Variants in NOL8 observed in about 807,000 individuals in gnomAD.
NOL8 encodes nucleolar protein Nop132.
In NOL8, 93 loss-of-function variants were observed where a neutral mutation model predicts 116.1. The observed-to-expected ratio is 0.80, with a 90% CI of 0.68 to 0.95. NOL8 has a LOEUF of 0.95. NOL8 is among the 40% of genes least tolerant of loss of function. The probability of loss-of-function intolerance (pLI) is 0.00; values close to 1 mark genes in which losing one functional copy is unlikely to be tolerated. For missense variants in NOL8, 1,291 were observed against 1,382.8 expected (o/e 0.93, Z 1.05); for synonymous variants, 419 against 469.0 (o/e 0.89, Z 1.38).
At chr9:92,308,614 A>G (rs1001756901) in intron 10 of NOL8, among the ~76,000 whole-genome samples, 32 of 152,242 alleles carry the variant, frequency 2.1e-4, no homozygotes, top group African/African-American at 7.0e-4. Context: ...GGCTAAAGCT[A>G]TAGGGACTTA....
rs754702663 is a variant in NOL8, at chr9:92,298,312, A to G, written c.3398T>C (p.Val1133Ala). 6.2e-7 allele frequency: 1 copy of G among 1,608,014 alleles called. No homozygotes were observed. Among genetic ancestry groups the G allele is most frequent in the Non-Finnish European group, 8.5e-7 (1 of 1,177,208 alleles). ...LQGSDLFWRG[V>A]GSNMSRNSWE... ...AGAGTTCCTGCTCATATTACTTCCT[A>G]CTCCTCTCCAGAATAAGTCAGAACC... is the stretch of plus-strand genomic sequence containing the variant. The change falls in exon 16 of 17, where the codon GTA becomes GCA. Residue 1133 changes from valine to alanine, a missense_variant. Val to Ala is a moderately conservative substitution (Grantham distance 64). Coordinates refer to ENST00000442668, the MANE Select transcript of NOL8 (RefSeq NM_017948.6).
chr9:92,316,600 T>C (rs1328843875), intron 6 of NOL8, among the ~76,000 whole-genome samples: 2 of 152,130 alleles, frequency 1.3e-5, no homozygotes, highest in African/African-American at 4.8e-5. Context: ...TAACTCTGAT[T>C]CTCCTAGCTG....
rs1171268070 is a variant in NOL8, at chr9:92,324,129, A to T, written c.33T>A (p.Tyr11Ter). 1 of 1,613,868 alleles carries T rather than the reference A, an allele frequency of 6.2e-7. No individual in the cohort carries two copies. Among genetic ancestry groups the T allele is most frequent in the Non-Finnish European group, 8.5e-7 (1 of 1,179,866 alleles). MKVNRETKRL[Y>*]VGGLSQDISE... ...AAATGTCCTGGCTAAGGCCACCCACATAAAGGCGCTTCGTTTCTCTGTTCA... is the reference window on the plus strand; with the variant it reads ...AAATGTCCTGGCTAAGGCCACCCACTTAAAGGCGCTTCGTTTCTCTGTTCA... The change falls in exon 2 of 17, where the codon TAT (tyrosine) becomes TAA (stop). Residue 11 changes from tyrosine to a stop codon, truncating the protein, a stop_gained. Transcript: ENST00000442668. LOFTEE classifies it high-confidence loss of function.
In NOL8 at chr9:92,319,291, A is replaced by G. The variant is rs765619234; in HGVS notation, c.347T>C (p.Leu116Ser). The change falls in exon 5 of 17, where the codon TTG becomes TCG. Residue 116 changes from leucine to serine, a missense_variant. By Grantham distance (145) the Leu-to-Ser change is moderately radical. Transcript: ENST00000442668. Reference sequence around the variant, plus strand: ...ATCCACTCCTCCTGTCTTTTCTAACAAGTTGGCGTTACCTGTTGTTGATTC... The same window carrying G: ...ATCCACTCCTCCTGTCTTTTCTAACGAGTTGGCGTTACCTGTTGTTGATTC... ...KEESTTGNAN[L>S]LEKTGGVDFH... 9 of 1,597,202 alleles carry G rather than the reference A, an allele frequency of 5.6e-6. No homozygotes were observed. In the African/African-American group the frequency reaches 1.2e-4, roughly 22 times the overall value.
At chr9:92,308,883 G>T (rs538654160) in intron 10 of NOL8, 2 of 152,324 alleles carry the variant, frequency 1.3e-5, no homozygotes, top group East Asian at 3.9e-4. Flanking sequence ...ATTGGCAGAA[G>T]TTAAGAAAAT....
In NOL8 at chr9:92,315,378, T is replaced by C; in HGVS notation, c.1247A>G (p.Glu416Gly). 1.2e-6 allele frequency: 2 copies of C among 1,603,194 alleles called. No individual in the cohort carries two copies. The highest frequency in any genetic ancestry group is 1.7e-6 in the Non-Finnish European group (2 of 1,173,724). Residue 416 changes from glutamate to glycine, a missense_variant, in exon 7 of 17, where the codon GAA becomes GGA. Coordinates refer to ENST00000442668, the MANE Select transcript of NOL8 (RefSeq NM_017948.6). Reference sequence around the variant, plus strand: ...ACAGTGATCAGAAAGCTCACAGTTTTCTCTATTTTTGAAAGAAGTTTTCTT... The same window carrying C: ...ACAGTGATCAGAAAGCTCACAGTTTCCTCTATTTTTGAAAGAAGTTTTCTT... ...STKKTSFKNR[E>G]NCELSDHCIK... is the part of the protein sequence containing the mutation.
In NOL8 at chr9:92,321,744, T is replaced by G. The variant is rs1165141218; in HGVS notation, c.205A>C (p.Met69Leu). The part of the protein sequence containing the change: ...SVAEADLKKC[M>L]SVLNKTKWKG... ...CATTTTGTTTTATTTAAAACAGACA[T>G]ACCTATAAAGTAAAGAATTATTACA... The change falls in exon 4 of 17, where the codon ATG becomes CTG. Residue 69 changes from methionine (M) to leucine (L), a missense_variant and splice_region_variant. Transcript: ENST00000442668. The G allele has an allele frequency of 1.2e-5, 16 of 1,387,332 alleles. No individual in the cohort carries two copies. Among genetic ancestry groups the G allele is most frequent in the Middle Eastern group, 1.8e-4 (1 of 5,622 alleles). The allele number at this position is 1,387,332 out of a possible 1,614,324, so 85.9% of individuals were successfully genotyped here. A position where few individuals can be genotyped will look rare whatever the true frequency, so the allele number is the denominator to read the frequency against.
chr9:92,305,673 G>C (rs1196457680), intron 12 of NOL8, 80 bp downstream of exon 12: 2 of 991,648 alleles, frequency 2.0e-6, no homozygotes, highest in Non-Finnish European at 3.2e-6. Flanking sequence ...GTAGGATATT[G>C]GTTCCTACCT....
At position 92,310,249 on chromosome 9, in the gene NOL8, G is replaced by A. The variant is rs200789539; in HGVS notation, c.2608C>T (p.Gln870Ter). 1.2e-5 allele frequency: 19 copies of A among 1,607,394 alleles called. No homozygotes were observed. Among genetic ancestry groups the A allele is most frequent in the Non-Finnish European group, 1.5e-5 (18 of 1,176,820 alleles). Residue 870 changes from glutamine to a stop codon, truncating the protein, a stop_gained, in exon 10 of 17, where the codon CAG becomes TAG. Coordinates refer to ENST00000442668, the MANE Select transcript of NOL8 (RefSeq NM_017948.6). LOFTEE classifies it high-confidence loss of function. The stretch of plus-strand genomic sequence containing the variant: ...CTGTCATCGGTGCCAAAGTGCGACT[G>A]TAAATCCATGAGCTACACAGACAGA... Reference protein sequence around the residue: ...GRAGQKLMDLQSHFGTDDRFR... With the variant: ...GRAGQKLMDL
intron 7 of NOL8, among the ~76,000 whole-genome samples, chr9:92,311,885 A>G (rs548580244): frequency 6.6e-6 from 1 of 152,322 alleles, no homozygotes; most frequent in East Asian, 1.9e-4. Context: ...TTCTACCATA[A>G]AGACACATGC....
rs745776552 is a variant in NOL8, at chr9:92,301,533, G to A, written c.3175+18C>T. On this transcript the variant is annotated intron_variant, in intron 13 of 16. Coordinates refer to ENST00000442668, the MANE Select transcript of NOL8 (RefSeq NM_017948.6). Reference sequence around the variant, plus strand: ...CAAACTGAATAAAATAAAAAAGTATGGGAAAAAAGAAAAGTACCTTCCTTT... The same window carrying A: ...CAAACTGAATAAAATAAAAAAGTATAGGAAAAAAGAAAAGTACCTTCCTTT... 3 of 1,541,650 alleles carry A rather than the reference G, an allele frequency of 1.9e-6. No individual in the cohort carries two copies. The highest frequency in any genetic ancestry group is 1.4e-5 in the African/African-American group (1 of 71,510).
At chr9:92,310,704 G>C in intron 8 of NOL8, 29 bp from the exon 9 acceptor site, 2 of 1,580,276 alleles carry the variant, frequency 1.3e-6, no homozygotes, top group Non-Finnish European at 1.7e-6. Context: ...TTTATTAATA[G>C]CAGAGGCAAA....
At chr9:92,311,602 C>T (rs1039682159) in intron 7 of NOL8, among the ~76,000 whole-genome samples, 2 of 152,152 alleles carry the variant, frequency 1.3e-5, no homozygotes, top group Admixed American at 6.5e-5. Flanking sequence ...AAAAAAAATG[C>T]TCAACATCAC....
intron 2 of NOL8, 133 bp from the exon 3 acceptor site, chr9:92,323,636 G>A (rs1473321393): frequency 3.1e-6 from 2 of 644,390 alleles, no homozygotes; most frequent in Admixed American, 7.1e-5. Flanking sequence ...GATAAACCTT[G>A]TTTTTTATTG....
Position 92,300,033 on chromosome 9 carries a change from A to G in NOL8, c.3176-17T>C. ...TGTAGGTCTCTATATCGTTATGACA[A>G]CAAAAGATGATGGGATTGTAACTCC... is the stretch of plus-strand genomic sequence containing the variant. On this transcript the variant is annotated splice_polypyrimidine_tract_variant and intron_variant, in intron 13 of 16. Coordinates refer to ENST00000442668, the MANE Select transcript of NOL8 (RefSeq NM_017948.6). The G allele has an allele frequency of 6.2e-7, 1 of 1,609,732 alleles. No individual in the cohort carries two copies. The highest frequency in any genetic ancestry group is 2.2e-5 in the East Asian group (1 of 44,712).
chr9:92,313,599 T>C (rs1839060513), intron 7 of NOL8, among the ~76,000 whole-genome samples: 1 of 152,238 alleles, frequency 6.6e-6, no homozygotes, highest in Non-Finnish European at 1.5e-5. Flanking sequence ...TGCCATCTCA[T>C]GCTGTATAAG....
intron 14 of NOL8, 38 bp from the exon 15 acceptor site, chr9:92,298,992 ATTGG>A: frequency 8.6e-7 from 1 of 1,156,882 alleles, no homozygotes; most frequent in East Asian, 2.8e-5. Flanking sequence ...AAAAATAGGT[ATTGG>A]TTGGTTTAAT....
At chr9:92,316,237 C>T (rs1466089533) in intron 6 of NOL8, 99 bp from the exon 7 acceptor site, 5 of 1,263,688 alleles carry the variant, frequency 4.0e-6, no homozygotes, top group Non-Finnish European at 5.4e-6. Context: ...TAAGTCATTT[C>T]CCCCCCCTTT....
rs1382004006 is a variant in NOL8 at position 92,315,593 on chromosome 9, G to A, written c.1032C>T (p.Gly344=). 8 of 1,612,632 alleles carry A rather than the reference G, an allele frequency of 5.0e-6. No homozygotes were observed. Among genetic ancestry groups the A allele is most frequent in the Non-Finnish European group, 6.8e-6 (8 of 1,179,516 alleles). ...CTATTAAAGAATGCAGTTTGTGAACGCCTGATTTGAAATCATCCCTTACAA... is the reference window on the plus strand; with the variant it reads ...CTATTAAAGAATGCAGTTTGTGAACACCTGATTTGAAATCATCCCTTACAA... ...FEVVRDDFKS[G]VHKLHSLIGL... Residue 344 remains glycine, a synonymous_variant, in exon 7 of 17, where the codon GGC becomes GGT. Coordinates refer to ENST00000442668, the MANE Select transcript of NOL8 (RefSeq NM_017948.6).
Sources: allele counts gnomAD v4.1 joint callset (sites outside exome capture counted in the v4.1 genomes callset), GRCh38; gene constraint gnomAD v4.1.1; transcripts MANE v1.5; gene names NCBI Gene and HGNC (gene_info 2026-07-23, HGNC 2026-07-21).